The following GRIA1 variants were observed in gnomAD, a reference collection of about 807,000 sequenced individuals.
The protein encoded by GRIA1 is glutamate ionotropic receptor AMPA type subunit 1.
In GRIA1, 31 loss-of-function variants were observed where a neutral mutation model predicts 99.2. The observed-to-expected ratio is 0.31, with a 90% CI of 0.23 to 0.42. The LOEUF (loss-of-function observed/expected upper bound fraction) is 0.42, where lower values mean the gene tolerates loss of function less well. Among genes scored for constraint, GRIA1 ranks in the 10% least tolerant of loss-of-function variants. The pLI, the probability that GRIA1 is intolerant of heterozygous loss-of-function variation, is 1.00. For synonymous variants in GRIA1, 438 were observed against 432.4 expected (o/e 1.01, Z -0.16); for missense variants, 782 against 1,157.5 (o/e 0.68, Z 4.71).
intron 2 of GRIA1, among the ~76,000 whole-genome samples, chr5:153,504,384 T>A (rs1207466320): frequency 6.6e-6 from 1 of 151,792 alleles, no homozygotes; most frequent in Non-Finnish European, 1.5e-5. Flanking sequence ...TAGATGTAAA[T>A]GTATTTATTG....
intron 11 of GRIA1, among the ~76,000 whole-genome samples, chr5:153,725,220 C>T (rs1760421546): frequency 6.6e-6 from 1 of 151,588 alleles, no homozygotes; most frequent in Non-Finnish European, 1.5e-5. Context: ...CACCACCAGG[C>T]CTGCCCTAAA....
rs755342972 is a variant in GRIA1 at position 153,494,004 on chromosome 5, G to A, written c.159G>A (p.Pro53=). ...CTTTGTCGCAACTCACAGAGCCCCC[G>A]AAGCTGCTCCCCCAGATTGATATTG... ...RFALSQLTEP[P]KLLPQIDIVN... Residue 53 remains proline (P), a synonymous_variant, in exon 2 of 16, where the codon CCG becomes CCA. Coordinates refer to ENST00000285900, the MANE Select transcript of GRIA1 (RefSeq NM_000827.4). 18 of 1,613,902 alleles carry A rather than the reference G, an allele frequency of 1.1e-5. No individual in the cohort carries two copies. The highest frequency in any genetic ancestry group is 1.6e-4 in the Middle Eastern group (1 of 6,082).
At chr5:153,615,792 C>T (rs1766442288) in intron 2 of GRIA1, among the ~76,000 whole-genome samples, 1 of 152,160 alleles carries the variant, frequency 6.6e-6, no homozygotes, top group Non-Finnish European at 1.5e-5. Flanking sequence ...CCTTCCTCAT[C>T]CCCATCTCTA....
intron 10 of GRIA1, among the ~76,000 whole-genome samples, chr5:153,701,285 A>G (rs916226661): frequency 6.6e-6 from 1 of 152,104 alleles, no homozygotes; most frequent in Non-Finnish European, 1.5e-5. Flanking sequence ...CTGCCTCAGT[A>G]GCCTCCTCCT....
At chr5:153,719,775 G>A (rs1047467439) in intron 11 of GRIA1, among the ~76,000 whole-genome samples, 32 of 152,082 alleles carry the variant, frequency 2.1e-4, no homozygotes, top group South Asian at 2.1e-4. Context: ...GAGGGGGTAG[G>A]GGTATTGTGA....
rs992014891 is a variant in GRIA1, at chr5:153,707,847, G to A, written c.1823+1780G>A. ...GGGTGGGGGGCGCGTGGGAGAGGAG[G>A]TGTGAGACTGGCTGCTTGGCCAATA... On this transcript the variant is annotated intron_variant, in intron 11 of 15. Coordinates refer to ENST00000285900, the MANE Select transcript of GRIA1 (RefSeq NM_000827.4). Among the ~76,000 whole-genome samples the A allele has an allele frequency of 3.3e-5, 5 of 152,054 alleles. No individual in the cohort carries two copies. In the South Asian group the frequency reaches 8.3e-4, roughly 25 times the overall value.
At chr5:153,625,399 T>C (rs1398331266) in intron 2 of GRIA1, among the ~76,000 whole-genome samples, 1 of 152,204 alleles carries the variant, frequency 6.6e-6, no homozygotes, top group Non-Finnish European at 1.5e-5. Flanking sequence ...AAGGACTTAG[T>C]GGAAACTAGA....
At chr5:153,741,912 C>T (rs111987184) in intron 11 of GRIA1, among the ~76,000 whole-genome samples, 8 of 139,014 alleles carry the variant, frequency 5.8e-5, no homozygotes, top group Non-Finnish European at 1.1e-4. Context: ...GCATTCTTAA[C>T]GTATAAAACT....
chr5:153,498,995 C>T (rs1206162444), intron 2 of GRIA1, among the ~76,000 whole-genome samples: 2 of 152,048 alleles, frequency 1.3e-5, no homozygotes, highest in Non-Finnish European at 2.9e-5. Context: ...CTATTACTTA[C>T]CCTGTCAAAA....
intron 5 of GRIA1, among the ~76,000 whole-genome samples, chr5:153,667,983 T>G (rs1479629007): frequency 1.3e-5 from 2 of 152,240 alleles, no homozygotes; most frequent in Non-Finnish European, 2.9e-5. Context: ...TCCCCATCAT[T>G]GTACTCAAAT....
intron 2 of GRIA1, among the ~76,000 whole-genome samples, chr5:153,548,113 G>A (rs1262213006): frequency 6.6e-6 from 1 of 152,146 alleles, no homozygotes; most frequent in Admixed American, 6.6e-5. Flanking sequence ...AGCCTGGTTG[G>A]TAATGTTAGC....
chr5:153,770,036 C>T, intron 12 of GRIA1, 132 bp from the exon 13 acceptor site: 2 of 855,340 alleles, frequency 2.3e-6, no homozygotes, highest in Non-Finnish European at 3.8e-6. Context: ...TGCAATCACT[C>T]ATAATTTGTT....
intron 2 of GRIA1, among the ~76,000 whole-genome samples, chr5:153,508,280 G>T (rs190469210): frequency 2.0e-5 from 3 of 152,140 alleles, no homozygotes; most frequent in South Asian, 4.1e-4. Flanking sequence ...TAATATGTAG[G>T]CACTAGCAAC....
At chr5:153,612,718 A>G (rs1766102060) in intron 2 of GRIA1, among the ~76,000 whole-genome samples, 1 of 152,206 alleles carries the variant, frequency 6.6e-6, no homozygotes, top group South Asian at 2.1e-4. Context: ...GACTTCTTCT[A>G]CTTCCCATTC....
At chr5:153,525,233 G>A (rs1757487813) in intron 2 of GRIA1, 1 of 152,180 alleles carries the variant, frequency 6.6e-6, no homozygotes, top group Admixed American at 6.5e-5. Context: ...CCTTCCTGGG[G>A]GACATGTGGC....
At chr5:153,765,572 C>T (rs1306118989) in intron 12 of GRIA1, among the ~76,000 whole-genome samples, 3 of 152,054 alleles carry the variant, frequency 2.0e-5, no homozygotes, top group African/African-American at 4.8e-5. Context: ...CCAGGCCAGA[C>T]CTGAGTAGGC....
At chr5:153,795,561 G>A in intron 14 of GRIA1, 1 of 1,611,752 alleles carries the variant, frequency 6.2e-7, no homozygotes, top group Non-Finnish European at 8.5e-7. Flanking sequence ...CGATAAAGGG[G>A]AATGTGGAAG....
Position 153,493,908 on chromosome 5 carries a change from T to C in GRIA1, c.83-20T>C, listed in dbSNP as rs1754166168. On this transcript the variant is annotated intron_variant, in intron 1 of 15. Coordinates refer to ENST00000285900, the MANE Select transcript of GRIA1 (RefSeq NM_000827.4). ...CCTGTCTCTAGCCCATATACCATGTTGCATTTTCTTTTCTCATAGGGGGAT... is the reference window on the plus strand; with the variant it reads ...CCTGTCTCTAGCCCATATACCATGTCGCATTTTCTTTTCTCATAGGGGGAT... 2 of 1,613,640 alleles carry C rather than the reference T, an allele frequency of 1.2e-6. No homozygotes were observed. Among genetic ancestry groups the C allele is most frequent in the African/African-American group, 2.7e-5 (2 of 75,040 alleles).
intron 11 of GRIA1, 144 bp downstream of exon 11, chr5:153,706,211 A>G: frequency 1.3e-6 from 1 of 782,212 alleles, no homozygotes; most frequent in Non-Finnish European, 2.1e-6. Context: ...TTTACAATCA[A>G]CTGTCCATTG....
Sources: gnomAD v4.1 joint callset for allele counts (sites outside exome capture counted in the v4.1 genomes callset) on GRCh38, gnomAD v4.1.1 for gene constraint, MANE v1.5 for transcripts, NCBI Gene and HGNC (gene_info 2026-07-23, HGNC 2026-07-21) for gene names.